The following BABAM2 variants were observed in gnomAD, a reference collection of about 807,000 sequenced individuals.
BABAM2 encodes BRISC and BRCA1-A complex member 2.
Under a neutral mutation model 54.7 loss-of-function variants are expected in BABAM2, and 31 were observed. That is an observed-to-expected ratio of 0.57 (90% CI 0.43 to 0.77). The LOEUF is 0.77. Ranked by LOEUF, BABAM2 falls within the 30% of genes least tolerant of loss-of-function variation. BABAM2 has a pLI of 0.00. For synonymous variants in BABAM2, 167 were observed against 162.9 expected (o/e 1.03, Z -0.19); for missense variants, 364 against 455.8 (o/e 0.80, Z 1.83).
chr2:28,020,035 C>T (rs1168073275), intron 4 of BABAM2, among the ~76,000 whole-genome samples: 1 of 152,174 alleles, frequency 6.6e-6, no homozygotes, highest in Non-Finnish European at 1.5e-5. Context: ...TCAACTGTGA[C>T]CACTACACTT....
intron 2 of BABAM2, among the ~76,000 whole-genome samples, chr2:27,921,161 G>A (rs1667319282): frequency 6.6e-6 from 1 of 152,074 alleles, no homozygotes; most frequent in Non-Finnish European, 1.5e-5. Context: ...TGCTAAATCA[G>A]TGAACAGTGT....
intron 4 of BABAM2, among the ~76,000 whole-genome samples, chr2:28,001,228 C>T (rs181416589): frequency 7.5e-4 from 114 of 152,324 alleles, no homozygotes; most frequent in Non-Finnish European, 1.2e-3. Context: ...TCATTCTAGT[C>T]ACCAGGAAGG....
intron 5 of BABAM2, among the ~76,000 whole-genome samples, chr2:28,029,730 C>T (rs562333565): frequency 6.6e-6 from 1 of 152,198 alleles, no homozygotes; most frequent in Admixed American, 6.5e-5. Flanking sequence ...AGTGGGATTG[C>T]TAGATTATAT....
intron 11 of BABAM2, chr2:28,310,278 A>T: frequency 1.1e-6 from 1 of 952,362 alleles, no homozygotes; most frequent in Admixed American, 2.2e-5. Context: ...GCCACTCACC[A>T]TCCTCTCAGC....
At chr2:28,165,517 T>G (rs1308524012) in intron 7 of BABAM2, among the ~76,000 whole-genome samples, 1 of 148,976 alleles carries the variant, frequency 6.7e-6, no homozygotes, top group African/African-American at 2.4e-5. Context: ...AAGCTTTTTT[T>G]TTTTTTCCTT....
chr2:27,976,190 G>A (rs1283242901), intron 3 of BABAM2, among the ~76,000 whole-genome samples: 1 of 152,066 alleles, frequency 6.6e-6, no homozygotes, highest in Non-Finnish European at 1.5e-5. Context: ...ATATGACCTA[G>A]CAATCCAGTC....
chr2:27,938,486 G>A (rs906750325), intron 3 of BABAM2, among the ~76,000 whole-genome samples: 5 of 151,938 alleles, frequency 3.3e-5, no homozygotes, highest in Non-Finnish European at 7.4e-5. Context: ...CCGCCTCCTG[G>A]GTTCAAGCGA....
At chr2:27,982,027 A>G (rs897056347) in intron 3 of BABAM2, among the ~76,000 whole-genome samples, 3 of 152,090 alleles carry the variant, frequency 2.0e-5, no homozygotes, top group Non-Finnish European at 4.4e-5. Context: ...TTATTATTAT[A>G]TGTCTTTTTG....
At chr2:28,291,608 T>C (rs989792352) in intron 10 of BABAM2, among the ~76,000 whole-genome samples, 1 of 150,940 alleles carries the variant, frequency 6.6e-6, no homozygotes, top group Non-Finnish European at 1.5e-5. Context: ...AAAAAAAAAA[T>C]AAACAAAGAT....
chr2:28,075,338 C>G (rs992984618), intron 6 of BABAM2, among the ~76,000 whole-genome samples: 7 of 152,236 alleles, frequency 4.6e-5, no homozygotes, highest in Admixed American at 1.3e-4. Context: ...ATTAACTGGG[C>G]CTTCAGGCTC....
At chr2:28,029,646 A>G (rs1265232415) in intron 5 of BABAM2, among the ~76,000 whole-genome samples, 1 of 152,174 alleles carries the variant, frequency 6.6e-6, no homozygotes, top group African/African-American at 2.4e-5. Flanking sequence ...ATTGTGAATC[A>G]TGCTACATTG....
chr2:28,025,707 ATGT>A (rs1191567741), intron 5 of BABAM2, among the ~76,000 whole-genome samples: 1 of 152,202 alleles, frequency 6.6e-6, no homozygotes, highest in Non-Finnish European at 1.5e-5. Context: ...ACCAGCCTCC[ATGT>A]TGTTATGATG....
intron 7 of BABAM2, among the ~76,000 whole-genome samples, chr2:28,148,380 T>C (rs1671703414): frequency 6.6e-6 from 1 of 152,112 alleles, no homozygotes; most frequent in South Asian, 2.1e-4. Flanking sequence ...CATTCCAAAT[T>C]GTATGTGTAG....
intron 4 of BABAM2, among the ~76,000 whole-genome samples, chr2:28,013,168 C>T (rs1674520629): frequency 6.6e-6 from 1 of 152,082 alleles, no homozygotes; most frequent in Non-Finnish European, 1.5e-5. Context: ...TTTTGGGATA[C>T]TTTTGCATGT....
chr2:28,329,903 T>C lies in BABAM2; in HGVS notation c.1089-8547T>C, dbSNP rs2087463. Among the ~76,000 whole-genome samples the C allele has an allele frequency of 1, 151,837 of 152,340 alleles. 75,671 individuals carry two copies. The highest frequency in any genetic ancestry group is 1 in the Middle Eastern group (294 of 294). ...AAAAAAGAAAATGTCAGGCCAATACTCCTGATGAACATCAGTGTAAAAATC... is the reference window on the plus strand; with the variant it reads ...AAAAAAGAAAATGTCAGGCCAATACCCCTGATGAACATCAGTGTAAAAATC... On this transcript the variant is annotated intron_variant, in intron 11 of 11. Transcript: ENST00000379624. The surrounding 1 kb of genome is among the most constrained non-coding windows in gnomAD (Gnocchi z 4.2).
intron 6 of BABAM2, among the ~76,000 whole-genome samples, chr2:28,081,712 G>C (rs992519235): frequency 1.8e-4 from 28 of 152,086 alleles, no homozygotes; most frequent in African/African-American, 6.5e-4. Context: ...TTAGGTTGTT[G>C]AACAGAAATG....
chr2:27,998,341 C>T (rs1358614734), intron 4 of BABAM2, among the ~76,000 whole-genome samples: 2 of 151,754 alleles, frequency 1.3e-5, no homozygotes, highest in African/African-American at 4.8e-5. Flanking sequence ...ATTCGAAATA[C>T]AAGTAAATAC....
At chr2:28,123,047 A>G (rs1210614204) in intron 6 of BABAM2, among the ~76,000 whole-genome samples, 3 of 152,176 alleles carry the variant, frequency 2.0e-5, no homozygotes, top group Non-Finnish European at 2.9e-5. Flanking sequence ...TGAAACCCAA[A>G]TATTTCTCTG....
chr2:28,071,582 G>C (rs925304209), intron 6 of BABAM2, among the ~76,000 whole-genome samples: 1 of 152,044 alleles, frequency 6.6e-6, no homozygotes, highest in Non-Finnish European at 1.5e-5. Context: ...ATTCACTGGG[G>C]GTTGCAAAAT....
Sources: gnomAD v4.1 joint callset for allele counts (sites outside exome capture counted in the v4.1 genomes callset) on GRCh38, gnomAD v4.1.1 for gene constraint, Gnocchi (gnomAD v3.1) non-coding constraint, MANE v1.5 for transcripts, NCBI Gene and HGNC (gene_info 2026-07-23, HGNC 2026-07-21) for gene names.